The following CLTCL1 variants were observed in gnomAD, a reference collection of about 807,000 sequenced individuals.
CLTCL1 encodes the protein clathrin heavy chain like 1, also known as clathrin heavy chain 2.
Under a neutral mutation model 190.0 loss-of-function variants are expected in CLTCL1, and 159 were observed. The observed-to-expected ratio is 0.84, with a 90% confidence interval of 0.74 to 0.95. The LOEUF is 0.95. Ranked by LOEUF, CLTCL1 falls within the 40% of genes least tolerant of loss-of-function variation. The pLI, the probability that CLTCL1 is intolerant of heterozygous loss-of-function variation, is 0.00. For missense variants in CLTCL1, 1,878 were observed against 2,033.4 expected (o/e 0.92, Z 1.47); for synonymous variants, 752 against 769.6 (o/e 0.98, Z 0.38).
chr22:19,231,067 T>C (rs1316886084), intron 10 of CLTCL1, among the ~76,000 whole-genome samples: 2 of 152,174 alleles, frequency 1.3e-5, no homozygotes, highest in Non-Finnish European at 2.9e-5. Context: ...CTCAGGCCAT[T>C]GGCCTCAGAC....
intron 22 of CLTCL1, among the ~76,000 whole-genome samples, chr22:19,202,595 C>T (rs1035844475): frequency 6.6e-6 from 1 of 150,670 alleles, no homozygotes; most frequent in African/African-American, 2.4e-5. Context: ...ACCTCCCCTC[C>T]TTCCGTCATC....
At chr22:19,258,705 A>G (rs1388934864) in intron 2 of CLTCL1, 2 of 683,812 alleles carry the variant, frequency 2.9e-6, no homozygotes, top group Non-Finnish European at 5.4e-6. Flanking sequence ...GGCCCTAGAC[A>G]GCAGCAACTC....
Position 19,291,651 on chromosome 22 carries a change from G to A in CLTCL1, c.-10C>T, listed in dbSNP as rs781956281. On this transcript the variant is annotated 5_prime_UTR_variant, in exon 1 of 33. Coordinates refer to ENST00000427926, the MANE Select transcript of CLTCL1 (RefSeq NM_007098.4). ...GGAGGATCTGCGCCATGGCTGGTGC[G>A]GGACCTCGGCGGCGGCGGCGGCAGC... The A allele has an allele frequency of 4.3e-5, 60 of 1,382,980 alleles. No individual in the cohort carries two copies. The East Asian group carries it at 1.3e-3, about 30-fold the overall frequency. The allele number at this position is 1,382,980 out of a possible 1,614,324, so 85.7% of individuals were successfully genotyped here.
chr22:19,187,837 A>C, intron 28 of CLTCL1, 109 bp from the exon 29 acceptor site: 1 of 1,369,638 alleles, frequency 7.3e-7, no homozygotes, highest in South Asian at 1.2e-5. Context: ...ACAGCCTTAG[A>C]AAGGCCCCTG....
chr22:19,187,563 A>G lies in CLTCL1; in HGVS notation c.4600T>C (p.Tyr1534His), dbSNP rs781883437. 6.2e-7 allele frequency: 1 copy of G among 1,610,978 alleles called. No homozygotes were observed. Among genetic ancestry groups the G allele is most frequent in the Admixed American group, 1.7e-5 (1 of 60,010 alleles). The change falls in exon 29 of 33, where the codon TAC (tyrosine) becomes CAC (histidine). Residue 1534 changes from tyrosine to histidine, a missense_variant. Physicochemically the swap from Tyr to His is moderately conservative, Grantham distance 83. Transcript: ENST00000427926. ...SVELCKKDHL[Y>H]KDAMQHAAES... ...AACGGGCCCAGGCCACCAACCTTGT[A>G]GAGATGATCCTTCTTGCAGAGCTCC...
At chr22:19,274,136 G>T (rs1474271960) in intron 2 of CLTCL1, among the ~76,000 whole-genome samples, 1 of 152,036 alleles carries the variant, frequency 6.6e-6, no homozygotes, top group African/African-American at 2.4e-5. Flanking sequence ...AAACAAAACC[G>T]CAAACAACAT....
chr22:19,245,157 CTA>C (rs1184634802), intron 3 of CLTCL1, among the ~76,000 whole-genome samples: 1 of 149,096 alleles, frequency 6.7e-6, no homozygotes, highest in African/African-American at 2.5e-5. Context: ...GGTTGGCAAA[CTA>C]TGGCCCCATG....
chr22:19,219,983 T>C lies in CLTCL1; in HGVS notation c.2821A>G (p.Lys941Glu). The change falls in exon 18 of 33, where the codon AAA becomes GAA. Residue 941 changes from lysine to glutamate, a missense_variant. Lys to Glu is a moderately conservative substitution (Grantham distance 56). Coordinates refer to ENST00000427926, the MANE Select transcript of CLTCL1 (RefSeq NM_007098.4). ...IKVCNENSLF[K>E]SEARYLVCRK... is the part of the protein sequence containing the mutation. ...CATACCAGGTAGCGGGCCTCGCTTT[T>C]GAACAGAGAATTCTCATTGCACACC... is the stretch of plus-strand genomic sequence containing the variant. 1 of 1,614,024 alleles carries C rather than the reference T, an allele frequency of 6.2e-7. No homozygotes were observed. Among genetic ancestry groups the C allele is most frequent in the Admixed American group, 1.7e-5 (1 of 60,030 alleles).
chr22:19,195,599 G>C (rs1443219682), intron 26 of CLTCL1, among the ~76,000 whole-genome samples: 1 of 152,174 alleles, frequency 6.6e-6, no homozygotes, highest in African/African-American at 2.4e-5. Flanking sequence ...AGGGATGGGG[G>C]CTGAGGATAA....
At chr22:19,265,160 A>G (rs1331682579) in intron 2 of CLTCL1, among the ~76,000 whole-genome samples, 1 of 152,222 alleles carries the variant, frequency 6.6e-6, no homozygotes, top group Non-Finnish European at 1.5e-5. Context: ...AAACAGTTCT[A>G]AAGTTAGCTA....
At chr22:19,181,483 T>TGG (rs1316249507) in intron 30 of CLTCL1, 57 of 152,010 alleles carry the variant, frequency 3.7e-4, no homozygotes, top group African/African-American at 1.2e-3. Flanking sequence ...AGCTGGGGTC[T>TGG]GGGGGGGGCT....
At chr22:19,262,409 G>A (rs922506991) in intron 2 of CLTCL1, among the ~76,000 whole-genome samples, 5 of 150,730 alleles carry the variant, frequency 3.3e-5, no homozygotes, top group Admixed American at 2.6e-4. Flanking sequence ...GAGGCAGGTG[G>A]ATCACGAAGT....
chr22:19,234,796 G>T, intron 6 of CLTCL1, 90 bp from the exon 7 acceptor site: 1 of 1,173,628 alleles, frequency 8.5e-7, no homozygotes, highest in Non-Finnish European at 1.2e-6. Context: ...TGGAGTGGTA[G>T]CCACATTCTC....
At chr22:19,256,105 C>T (rs782087874) in intron 2 of CLTCL1, among the ~76,000 whole-genome samples, 15 of 151,968 alleles carry the variant, frequency 9.9e-5, no homozygotes, top group African/African-American at 1.4e-4. Context: ...CCATAAATTA[C>T]GTACAGGTTC....
chr22:19,180,621 C>T lies in CLTCL1; in HGVS notation c.4903+110G>A, dbSNP rs1569136148. 5.7e-6 allele frequency: 6 copies of T among 1,050,826 alleles called. No individual in the cohort carries two copies. The Admixed American group carries it at 5.7e-5, about 10-fold the overall frequency. 65.1% of individuals were successfully genotyped at this position (1,050,826 alleles called of 1,614,324 possible). A position where few individuals can be genotyped will look rare whatever the true frequency, so the allele number is the denominator to read the frequency against. The stretch of plus-strand genomic sequence containing the variant: ...TAGCCACTGGGATCCTTCCAGCCCC[C>T]ACCCATCTATTCCCATCCCCATCCA... On this transcript the variant is annotated intron_variant, in intron 31 of 32. Transcript: ENST00000427926.
intron 5 of CLTCL1, among the ~76,000 whole-genome samples, chr22:19,238,093 A>G (rs111771975): frequency 1.2e-4 from 19 of 152,046 alleles, no homozygotes; most frequent in African/African-American, 4.6e-4. Flanking sequence ...TTATTTATTT[A>G]TTTATTTTTT....
intron 1 of CLTCL1, among the ~76,000 whole-genome samples, chr22:19,281,461 A>T (rs2087713291): frequency 6.6e-6 from 1 of 152,250 alleles, no homozygotes; most frequent in East Asian, 1.9e-4. Flanking sequence ...GAAAAAAATA[A>T]CAAAGAGTTC....
At chr22:19,270,101 T>TGTGGCA (rs1184180563) in intron 2 of CLTCL1, among the ~76,000 whole-genome samples, 1 of 151,990 alleles carries the variant, frequency 6.6e-6, no homozygotes, top group Non-Finnish European at 1.5e-5. Context: ...AAAAACAAAA[T>TGTGGCA]GTGGCATATC....
intron 3 of CLTCL1, among the ~76,000 whole-genome samples, chr22:19,253,405 C>G (rs1258651374): frequency 6.6e-6 from 1 of 152,194 alleles, no homozygotes; most frequent in Non-Finnish European, 1.5e-5. Flanking sequence ...ACCCCATGGG[C>G]CACGGTCCCT....
Sources: allele counts gnomAD v4.1 joint callset (sites outside exome capture counted in the v4.1 genomes callset), GRCh38; gene constraint gnomAD v4.1.1; transcripts MANE v1.5; gene names NCBI Gene and HGNC (gene_info 2026-07-23, HGNC 2026-07-21).